The following HERC2 variants were observed in gnomAD, a reference collection of about 807,000 sequenced individuals.
The protein encoded by HERC2 is E3 ubiquitin-protein ligase HERC2.
A neutral mutation model predicts 537.7 loss-of-function variants in HERC2; 102 were observed. The ratio of observed to expected loss-of-function variants is 0.19; its 90% confidence interval spans 0.16 to 0.22. The LOEUF (loss-of-function observed/expected upper bound fraction) is 0.22, where lower values mean the gene tolerates loss of function less well. HERC2 is among the 10% of genes least tolerant of loss of function. The probability of loss-of-function intolerance (pLI) is 1.00; values close to 1 mark genes in which losing one functional copy is unlikely to be tolerated. For missense variants in HERC2, 4,236 were observed against 6,198.2 expected, an observed-to-expected ratio of 0.68 and a Z score of 10.63; for synonymous variants, 2,224 against 2,466.2, an observed-to-expected ratio of 0.90 and a Z score of 2.91.
At chr15:28,140,787 G>A (rs1596032597) in intron 78 of HERC2, among the ~76,000 whole-genome samples, 1 of 151,554 alleles carries the variant, frequency 6.6e-6, no homozygotes, top group South Asian at 2.1e-4. Flanking sequence ...CTCCCAAATT[G>A]CTGGGATTAC....
At chr15:28,121,681 C>T (rs1468978181) in intron 85 of HERC2, among the ~76,000 whole-genome samples, 1 of 152,182 alleles carries the variant, frequency 6.6e-6, no homozygotes, top group Non-Finnish European at 1.5e-5. Flanking sequence ...TACCTCCACC[C>T]AGCAGCGTTC....
At chr15:28,254,660 T>A (rs2075197301) in intron 19 of HERC2, 142 bp from the exon 20 acceptor site, 2 of 566,936 alleles carry the variant, frequency 3.5e-6, no homozygotes, top group South Asian at 4.8e-5. Flanking sequence ...GGCCCCCATC[T>A]GCCTTGTTGG....
rs145855928 is a variant in HERC2, at chr15:28,220,591, T to C, written c.5706A>G (p.Gly1902=). The change falls in exon 37 of 93, where the codon GGA becomes GGG. Residue 1902 remains glycine (G), a synonymous_variant. Coordinates refer to ENST00000261609, the MANE Select transcript of HERC2 (RefSeq NM_004667.6). The part of the protein sequence containing the change: ...GRVIGELGED[G]WIRVQWDTGS... The stretch of plus-strand genomic sequence containing the variant: ...CTGTGTCCCACTGGACTCTTATCCA[T>C]CCGTCCTCTCCCAGCTCACCAATCA... The C allele has an allele frequency of 2.0e-4, 314 of 1,595,630 alleles. No homozygotes were observed. Among genetic ancestry groups the C allele is most frequent in the Non-Finnish European group, 2.5e-4 (295 of 1,174,518 alleles).
intron 23 of HERC2, among the ~76,000 whole-genome samples, chr15:28,243,452 G>A (rs1193655715): frequency 2.0e-5 from 3 of 152,160 alleles, no homozygotes; most frequent in African/African-American, 7.2e-5. Flanking sequence ...ACAGGCCTGA[G>A]TGAGAGAAAA....
In HERC2 at chr15:28,111,086, T is replaced by C. The variant is rs1467001915; in HGVS notation, c.*677A>G. 6.6e-6 allele frequency: 1 copy of C among 152,248 alleles called. No individual in the cohort carries two copies. The highest frequency in any genetic ancestry group is 2.4e-5 in the African/African-American group (1 of 41,456). 9.4% of individuals were successfully genotyped at this position (152,248 alleles called of 1,614,324 possible). A position where few individuals can be genotyped will look rare whatever the true frequency, so the allele number is the denominator to read the frequency against. On this transcript the variant is annotated 3_prime_UTR_variant, in exon 93 of 93. Transcript: ENST00000261609. ...TATAGATAATTAAAATTTAGGCATATACATGACACAAACATTATATATAGT... is the reference window on the plus strand; with the variant it reads ...TATAGATAATTAAAATTTAGGCATACACATGACACAAACATTATATATAGT...
chr15:28,285,597 A>G (rs1342814095), intron 4 of HERC2, among the ~76,000 whole-genome samples: 1 of 152,006 alleles, frequency 6.6e-6, no homozygotes, highest in Non-Finnish European at 1.5e-5. Flanking sequence ...AGAAACTTGG[A>G]AACAAATCAA....
Position 28,237,059 on chromosome 15 carries a change from T to C in HERC2, c.3907A>G (p.Ile1303Val). 6.2e-7 allele frequency: 1 copy of C among 1,602,124 alleles called. No individual in the cohort carries two copies. The highest frequency in any genetic ancestry group is 8.5e-7 in the Non-Finnish European group (1 of 1,170,872). The stretch of plus-strand genomic sequence containing the variant: ...AGGCCCAGATTCCTCTCTGTGTCTA[T>C]CAGAGGTGAAGAGAGACTCCCCAGA... ...PDLGSLSSPLIDTERNLGLLL... is the reference protein window; with the variant it reads ...PDLGSLSSPLVDTERNLGLLL... The change falls in exon 26 of 93, where the codon ATA becomes GTA. Residue 1303 changes from isoleucine (I) to valine (V), a missense_variant. Ile to Val is a conservative substitution (Grantham distance 29). Around this residue, in one of 27 missense-constraint regions of HERC2, gnomAD observed 754 missense variants for 1,085.0 expected, o/e 0.69. Coordinates refer to ENST00000261609, the MANE Select transcript of HERC2 (RefSeq NM_004667.6).
chr15:28,293,492 CAAAAAAAAA>C (rs34632582), intron 3 of HERC2, among the ~76,000 whole-genome samples: 1 of 88,346 alleles, frequency 1.1e-5, no homozygotes, highest in Non-Finnish European at 2.5e-5. Context: ...GACTCTGTCT[CAAAAAAAAA>C]AAAAAAAAAA....
rs1284086078 is a variant in HERC2, at chr15:28,322,093, C to CCGCCT, written c.-55_-51dup. On this transcript the variant is annotated 5_prime_UTR_variant, in exon 1 of 93. Transcript: ENST00000261609. ...CCAGGACCTGACGCGCAGGGCCCGG[C>CCGCCT]CGCCTCGCCTCGCCGGCGCGCGGAC... The CCGCCT allele has an allele frequency of 3.5e-5, 3 of 85,604 alleles. No individual in the cohort carries two copies. The highest frequency in any genetic ancestry group is 1.7e-4 in the African/African-American group (3 of 17,890). 5.3% of individuals were successfully genotyped at this position (85,604 alleles called of 1,614,324 possible).
Position 28,125,203 on chromosome 15 carries a change from G to A in HERC2, c.12803-10C>T. The A allele has an allele frequency of 6.3e-7, 1 of 1,598,516 alleles. No individual in the cohort carries two copies. The highest frequency in any genetic ancestry group is 8.6e-7 in the Non-Finnish European group (1 of 1,166,612). On this transcript the variant is annotated splice_polypyrimidine_tract_variant and intron_variant, in intron 83 of 92. Coordinates refer to ENST00000261609, the MANE Select transcript of HERC2 (RefSeq NM_004667.6). ...CATGTATAAACCTCACCTGAATGAA[G>A]TGAATTTAGAATCAGAACCTGTATA... is the stretch of plus-strand genomic sequence containing the variant.
At chr15:28,218,748 T>A (rs537410788) in intron 37 of HERC2, 77 bp from the exon 38 acceptor site, 1 of 1,223,870 alleles carries the variant, frequency 8.2e-7, no homozygotes, top group Admixed American at 1.7e-5. Flanking sequence ...ATTCAACAGC[T>A]TTAATATTAC....
At position 28,291,715 on chromosome 15, in the gene HERC2, C is replaced by A. The variant is rs558362637; in HGVS notation, c.322+1173G>T. ...ATGAAAGTCCATCCATGATAAAGAA[C>A]TCCTATAACCCAAAACAAAAACCTC... is the stretch of plus-strand genomic sequence containing the variant. On this transcript the variant is annotated intron_variant, in intron 4 of 92. Coordinates refer to ENST00000261609, the MANE Select transcript of HERC2 (RefSeq NM_004667.6). Among the ~76,000 whole-genome samples the A allele has an allele frequency of 4.1e-4, 62 of 151,862 alleles. 2 individuals carry two copies. The South Asian group carries it at 0.013, about 32-fold the overall frequency.
At chr15:28,253,661 C>G (rs1185415638) in intron 20 of HERC2, among the ~76,000 whole-genome samples, 1 of 152,196 alleles carries the variant, frequency 6.6e-6, no homozygotes, top group Admixed American at 6.6e-5. Context: ...CCAATAATCA[C>G]CTACTAAAAT....
Position 28,260,860 on chromosome 15 carries a change from A to G in HERC2, c.2233T>C (p.Leu745=), listed in dbSNP as rs150992740. 1.9e-6 allele frequency: 3 copies of G among 1,614,102 alleles called. No individual in the cohort carries two copies. The highest frequency in any genetic ancestry group is 2.7e-5 in the African/African-American group (2 of 74,930). Residue 745 remains leucine (L), a synonymous_variant, in exon 16 of 93, where the codon TTG becomes CTG. Coordinates refer to ENST00000261609, the MANE Select transcript of HERC2 (RefSeq NM_004667.6). ...SNDQCQHFDT[L]RVTKPEPAAL... is the part of the protein sequence containing the mutation. ...GCAGGTTCTGGCTTGGTCACGCGCAAGGTGTCAAAGTGCTGGCACTGGTCG... is the reference window on the plus strand; with the variant it reads ...GCAGGTTCTGGCTTGGTCACGCGCAGGGTGTCAAAGTGCTGGCACTGGTCG...
At chr15:28,258,084 TAC>T (rs1386399908) in intron 16 of HERC2, among the ~76,000 whole-genome samples, 3 of 152,192 alleles carry the variant, frequency 2.0e-5, no homozygotes, top group African/African-American at 7.2e-5. Flanking sequence ...TGAAATCATA[TAC>T]AGTTTGTTCT....
intron 69 of HERC2, among the ~76,000 whole-genome samples, chr15:28,157,944 T>G (rs1893182853): frequency 1.3e-5 from 2 of 152,206 alleles, no homozygotes; most frequent in African/African-American, 4.8e-5. Context: ...TGTTGTGTCT[T>G]TGTTCTCGTT....
chr15:28,267,374 T>G (rs1476333057), intron 12 of HERC2, among the ~76,000 whole-genome samples: 1 of 152,200 alleles, frequency 6.6e-6, no homozygotes, highest in Non-Finnish European at 1.5e-5. Flanking sequence ...GCACTTACTC[T>G]CCACTGAGAA....
At chr15:28,139,612 G>C (rs1480836009) in intron 78 of HERC2, among the ~76,000 whole-genome samples, 1 of 152,120 alleles carries the variant, frequency 6.6e-6, no homozygotes, top group Non-Finnish European at 1.5e-5. Context: ...TTACATGAGA[G>C]TATCTCACTC....
chr15:28,235,864 GGACA>G (rs1405263368), intron 26 of HERC2, among the ~76,000 whole-genome samples: 1 of 152,142 alleles, frequency 6.6e-6, no homozygotes, highest in East Asian at 1.9e-4. Context: ...TCACACGGAT[GGACA>G]GACAGACAGA....
Sources: gnomAD v4.1 joint callset for allele counts (sites outside exome capture counted in the v4.1 genomes callset) on GRCh38, gnomAD v4.1.1 for gene constraint, gnomAD v4.1.1 regional missense constraint, MANE v1.5 for transcripts, NCBI Gene and HGNC (gene_info 2026-07-23, HGNC 2026-07-21) for gene names.